Variants in MYCBP2 observed in about 807,000 individuals in gnomAD.
MYCBP2 encodes the protein MYC binding protein 2.
In MYCBP2, 120 loss-of-function variants were observed where a neutral mutation model predicts 525.3. That is an observed-to-expected ratio of 0.23 (90% CI 0.20 to 0.27). The LOEUF (loss-of-function observed/expected upper bound fraction) is 0.27, where lower values mean the gene tolerates loss of function less well. MYCBP2 is among the 10% of genes least tolerant of loss of function. MYCBP2 has a pLI of 1.00. For synonymous variants in MYCBP2, 1,894 were observed against 1,955.8 expected (o/e 0.97, Z 0.83); for missense variants, 4,149 against 5,657.1 (o/e 0.73, Z 8.55).
chr13:77,296,556 A>G (rs1181105799), intron 2 of MYCBP2, 43 bp downstream of exon 2: 2 of 1,532,898 alleles, frequency 1.3e-6, no homozygotes, highest in Non-Finnish European at 1.7e-6. Context: ...TCAAATCACC[A>G]TATGAAAAAG....
At chr13:77,273,701 C>G (rs751981003) in intron 4 of MYCBP2, 33 bp from the exon 5 acceptor site, 1 of 1,410,108 alleles carries the variant, frequency 7.1e-7, no homozygotes, top group East Asian at 2.5e-5. Flanking sequence ...TTATATTCAT[C>G]CAACATACGG....
At chr13:77,059,653 C>A in intron 76 of MYCBP2, 27 bp from the exon 77 acceptor site, 2 of 1,526,680 alleles carry the variant, frequency 1.3e-6, no homozygotes, top group Non-Finnish European at 1.8e-6. Context: ...AAATAAAAAT[C>A]CTTCTTATGG....
chr13:77,303,260 G>C (rs920805543), intron 1 of MYCBP2, among the ~76,000 whole-genome samples: 2 of 152,244 alleles, frequency 1.3e-5, no homozygotes, highest in African/African-American at 4.8e-5. Flanking sequence ...TTGAACCCGA[G>C]AGGTGGCGGT....
intron 26 of MYCBP2, among the ~76,000 whole-genome samples, chr13:77,204,309 A>G (rs2063023511): frequency 6.6e-6 from 1 of 150,852 alleles, no homozygotes; most frequent in South Asian, 2.1e-4. Flanking sequence ...GCTCACCATC[A>G]CTGGCCATCA....
chr13:77,097,362 T>C lies in MYCBP2; in HGVS notation c.9784+8A>G. On this transcript the variant is annotated splice_region_variant and intron_variant, in intron 56 of 82. Coordinates refer to ENST00000544440, the MANE Select transcript of MYCBP2 (RefSeq NM_015057.5). Reference sequence around the variant, plus strand: ...GCACTTATACGTACATTCAACAGTATCATTTACCTGGGTGAGCTTGTCTCA... The same window carrying C: ...GCACTTATACGTACATTCAACAGTACCATTTACCTGGGTGAGCTTGTCTCA... 6.3e-7 allele frequency: 1 copy of C among 1,586,592 alleles called. No individual in the cohort carries two copies. The highest frequency in any genetic ancestry group is 8.5e-7 in the Non-Finnish European group (1 of 1,170,784).
At chr13:77,257,560 A>G (rs1478949914) in intron 14 of MYCBP2, 111 bp downstream of exon 14, 1 of 1,127,606 alleles carries the variant, frequency 8.9e-7, no homozygotes, top group Non-Finnish European at 1.2e-6. Context: ...AGGAACAAAA[A>G]GAAAAAGAAG....
intron 26 of MYCBP2, among the ~76,000 whole-genome samples, chr13:77,197,660 A>C (rs994114164): frequency 9.2e-5 from 14 of 152,104 alleles, no homozygotes; most frequent in Admixed American, 9.2e-4. Flanking sequence ...GAACTCCTAC[A>C]TTCAGTGGCC....
intron 1 of MYCBP2, among the ~76,000 whole-genome samples, chr13:77,316,499 G>T (rs2080956493): frequency 6.6e-6 from 1 of 152,172 alleles, no homozygotes; most frequent in Non-Finnish European, 1.5e-5. Context: ...CTGGGCAGGG[G>T]CTCTGGGTTC....
intron 48 of MYCBP2, 54 bp from the exon 49 acceptor site, chr13:77,144,614 C>T: frequency 8.9e-7 from 1 of 1,129,262 alleles, no homozygotes; most frequent in Non-Finnish European, 1.4e-6. Flanking sequence ...AAGCAGTCAA[C>T]ATCATTACGA....
At chr13:77,246,536 GAGA>G (rs1488655619) in intron 15 of MYCBP2, among the ~76,000 whole-genome samples, 57 of 150,034 alleles carry the variant, frequency 3.8e-4, no homozygotes, top group South Asian at 1.1e-3. Context: ...GGAAAAGAAG[GAGA>G]AGGAGGAGGA....
chr13:77,126,615 A>G, intron 52 of MYCBP2, 73 bp from the exon 53 acceptor site: 1 of 1,116,486 alleles, frequency 9.0e-7, no homozygotes, highest in Non-Finnish European at 1.3e-6. Context: ...TCCTATTAAT[A>G]GCTTTTATAG....
At chr13:77,177,067 T>TA (rs1033437117) in intron 35 of MYCBP2, among the ~76,000 whole-genome samples, 1 of 151,708 alleles carries the variant, frequency 6.6e-6, no homozygotes, top group Non-Finnish European at 1.5e-5. Context: ...AGTCAACAAA[T>TA]AGTGTCTTCA....
At chr13:77,240,116 T>G (rs1370701045) in intron 17 of MYCBP2, among the ~76,000 whole-genome samples, 2 of 152,216 alleles carry the variant, frequency 1.3e-5, no homozygotes, top group African/African-American at 4.8e-5. Context: ...TATAAAAATT[T>G]GTTTTTAAAT....
chr13:77,201,526 C>T (rs1193253380), intron 26 of MYCBP2, among the ~76,000 whole-genome samples: 1 of 152,078 alleles, frequency 6.6e-6, no homozygotes, highest in Non-Finnish European at 1.5e-5. Context: ...TTGAACTCAG[C>T]TCTGCACCAA....
chr13:77,162,044 T>C, intron 43 of MYCBP2, 89 bp from the exon 44 acceptor site: 1 of 881,984 alleles, frequency 1.1e-6, no homozygotes, highest in South Asian at 1.7e-5. Flanking sequence ...ACACTTTTTT[T>C]AAAAAAATAA....
chr13:77,316,255 T>C (rs1192681650), intron 1 of MYCBP2, among the ~76,000 whole-genome samples: 1 of 152,226 alleles, frequency 6.6e-6, no homozygotes, highest in African/African-American at 2.4e-5. Flanking sequence ...GCAACTGTAT[T>C]GTTATATATT....
intron 16 of MYCBP2, 132 bp downstream of exon 16, chr13:77,243,674 G>A (rs1277789166): frequency 1.7e-5 from 12 of 706,762 alleles, no homozygotes; most frequent in Admixed American, 7.5e-5. Context: ...GTCAGTTACC[G>A]TAAAAGCAGT....
intron 28 of MYCBP2, 150 bp downstream of exon 28, chr13:77,191,529 T>G (rs1400310783): frequency 2.7e-5 from 23 of 866,206 alleles, no homozygotes; most frequent in Non-Finnish European, 4.0e-5. Flanking sequence ...CAATTTGGCA[T>G]GAGGTTACAT....
intron 68 of MYCBP2, among the ~76,000 whole-genome samples, chr13:77,075,174 C>T (rs1316746049): frequency 6.6e-6 from 1 of 152,170 alleles, no homozygotes; most frequent in Non-Finnish European, 1.5e-5. Context: ...TACCACTGCA[C>T]TCTATCCTGG....
Sources: allele counts gnomAD v4.1 joint callset (sites outside exome capture counted in the v4.1 genomes callset), GRCh38; gene constraint gnomAD v4.1.1; transcripts MANE v1.5; gene names NCBI Gene and HGNC (gene_info 2026-07-23, HGNC 2026-07-21).